The following TMEM217B variants were observed in gnomAD, a reference collection of about 807,000 sequenced individuals.
The protein encoded by TMEM217B is transmembrane protein 217B, also known as putative transmembrane protein 217B.
the TMEM217B span, among the ~76,000 whole-genome samples, chr6:37,251,366 T>C: frequency 6.6e-6 from 1 of 152,116 alleles, no homozygotes; most frequent in African/African-American, 2.4e-5. Flanking sequence ...GAAACTATAA[T>C]TTGAAAAAAA....
the TMEM217B span, among the ~76,000 whole-genome samples, chr6:37,248,422 C>G: frequency 6.6e-6 from 1 of 152,190 alleles, no homozygotes; most frequent in Non-Finnish European, 1.5e-5. Context: ...GTTTTTACCC[C>G]CTTTCTCACC....
chr6:37,236,150 T>A, the TMEM217B span, among the ~76,000 whole-genome samples: 1 of 152,208 alleles, frequency 6.6e-6, no homozygotes, highest in Non-Finnish European at 1.5e-5. Flanking sequence ...ATTTTTAATT[T>A]AAAAACAATT....
At chr6:37,213,213 G>A in the TMEM217B span, among the ~76,000 whole-genome samples, 1 of 152,222 alleles carries the variant, frequency 6.6e-6, no homozygotes, top group Non-Finnish European at 1.5e-5. Flanking sequence ...TCACTGGCCT[G>A]GGACTTCCTA....
At chr6:37,253,283 T>C in the TMEM217B span, among the ~76,000 whole-genome samples, 1 of 152,210 alleles carries the variant, frequency 6.6e-6, no homozygotes, top group African/African-American at 2.4e-5. Flanking sequence ...TTCCCCTGTT[T>C]ATTATTGGTT....
the TMEM217B span, chr6:37,218,508 G>T: frequency 1.1e-5 from 17 of 1,613,958 alleles, no homozygotes; most frequent in South Asian, 6.6e-5. Flanking sequence ...CTGCTGTGGA[G>T]AATCTCCGCT....
At chr6:37,247,697 A>G in the TMEM217B span, among the ~76,000 whole-genome samples, 4 of 152,246 alleles carry the variant, frequency 2.6e-5, no homozygotes, top group African/African-American at 7.2e-5. Flanking sequence ...TATTAAGCCA[A>G]CTACCACAAT....
At chr6:37,255,120 T>C in the TMEM217B span, among the ~76,000 whole-genome samples, 3 of 152,186 alleles carry the variant, frequency 2.0e-5, no homozygotes, top group East Asian at 1.9e-4. Flanking sequence ...GGGCCTTTAC[T>C]CTAGGGGATG....
chr6:37,258,003 G>T, the TMEM217B span: 2 of 1,611,520 alleles, frequency 1.2e-6, no homozygotes, highest in Non-Finnish European at 1.7e-6. Context: ...AGGGATAGGG[G>T]ATTGGACCAA....
chr6:37,225,101 G>C, the TMEM217B span, among the ~76,000 whole-genome samples: 2 of 151,972 alleles, frequency 1.3e-5, no homozygotes, highest in African/African-American at 4.8e-5. Context: ...TCCGGAGGCT[G>C]AGGTATGAGA....
the TMEM217B span, among the ~76,000 whole-genome samples, chr6:37,214,796 A>T: frequency 6.6e-6 from 1 of 152,172 alleles, no homozygotes. Context: ...GACTCCAGAT[A>T]CACAAAACTC....
the TMEM217B span, among the ~76,000 whole-genome samples, chr6:37,214,609 T>C: frequency 2.0e-5 from 3 of 152,138 alleles, no homozygotes; most frequent in Admixed American, 2.0e-4. Context: ...CTTCCCCCGC[T>C]CCCTACTAAC....
At chr6:37,212,785 C>G in the TMEM217B span, 1 of 716,820 alleles carries the variant, frequency 1.4e-6, no homozygotes, top group African/African-American at 1.7e-5. Flanking sequence ...GAGGGAGAGG[C>G]CAGTGCTGAT....
the TMEM217B span, among the ~76,000 whole-genome samples, chr6:37,241,169 G>T: frequency 6.7e-6 from 1 of 149,706 alleles, no homozygotes; most frequent in African/African-American, 2.5e-5. Flanking sequence ...CACAATCTTG[G>T]CTCACTGCAC....
chr6:37,223,338 C>A, the TMEM217B span, among the ~76,000 whole-genome samples: 2 of 152,106 alleles, frequency 1.3e-5, no homozygotes, highest in Non-Finnish European at 2.9e-5. Context: ...TGGAACACCA[C>A]ACACAAAAAG....
the TMEM217B span, among the ~76,000 whole-genome samples, chr6:37,226,987 A>T: frequency 1.3e-5 from 2 of 152,274 alleles, no homozygotes; most frequent in Non-Finnish European, 2.9e-5. Flanking sequence ...AATCATTTTC[A>T]TAGCTACCAA....
the TMEM217B span, chr6:37,219,103 G>A: frequency 2.8e-6 from 4 of 1,430,076 alleles, no homozygotes; most frequent in Non-Finnish European, 3.8e-6. Flanking sequence ...AATTACCAGG[G>A]TTTCTGCCTC....
At chr6:37,254,438 C>A in the TMEM217B span, among the ~76,000 whole-genome samples, 17 of 152,134 alleles carry the variant, frequency 1.1e-4, no homozygotes, top group Non-Finnish European at 2.2e-4. Context: ...GGTGGCCTCC[C>A]TCCCTCATCA....
the TMEM217B span, among the ~76,000 whole-genome samples, chr6:37,249,508 A>G: frequency 6.6e-6 from 1 of 152,042 alleles, no homozygotes; most frequent in Non-Finnish European, 1.5e-5. Flanking sequence ...TTTAGTGGAG[A>G]CGGGGTTTCA....
At chr6:37,251,873 G>A in the TMEM217B span, among the ~76,000 whole-genome samples, 1 of 152,152 alleles carries the variant, frequency 6.6e-6, no homozygotes, top group Non-Finnish European at 1.5e-5. Flanking sequence ...TATGACCTAG[G>A]AGATAAAAAT....
Sources: gnomAD v4.1 joint callset for allele counts (sites outside exome capture counted in the v4.1 genomes callset) on GRCh38, gnomAD v4.1.1 for gene constraint, MANE v1.5 for transcripts, NCBI Gene and HGNC (gene_info 2026-07-23, HGNC 2026-07-21) for gene names.